DST: variants seen among roughly 807,000 people sequenced by gnomAD.
The protein encoded by DST is bullous pemphigoid antigen.
DST carries 253 observed loss-of-function variants against 875.2 expected under a neutral mutation model. That is an observed-to-expected ratio of 0.29 (90% CI 0.26 to 0.32). DST has a LOEUF of 0.32. Ranked by LOEUF, DST falls within the 10% of genes least tolerant of loss-of-function variation. The probability of loss-of-function intolerance (pLI) is 1.00; values close to 1 mark genes in which losing one functional copy is unlikely to be tolerated. For synonymous variants in DST, 3,124 were observed against 3,197.1 expected (o/e 0.98, Z 0.77); for missense variants, 8,287 against 9,111.6 (o/e 0.91, Z 3.68).
intron 3 of DST, among the ~76,000 whole-genome samples, chr6:56,880,024 A>G (rs1781360210): frequency 2.0e-5 from 3 of 152,314 alleles, no homozygotes; most frequent in South Asian, 4.1e-4. Flanking sequence ...TATTCCCACA[A>G]TGAATAGGTA....
Position 56,708,984 on chromosome 6 carries a change from T to C in DST, c.688-4615A>G, listed in dbSNP as rs148871750. Among the ~76,000 whole-genome samples the C allele has an allele frequency of 3.7e-3, 570 of 152,332 alleles. 6 individuals carry two copies. The highest frequency in any genetic ancestry group is 0.013 in the African/African-American group (543 of 41,574). ...ATTCCTTTTTCTCTTTTTGGATATG[T>C]TCTCCCTATGGGACAAAAAACTGTC... On this transcript the variant is annotated intron_variant, in intron 5 of 103. Transcript: ENST00000680361.
At chr6:56,624,325 T>A in intron 36 of DST, 4 of 659,370 alleles carry the variant, frequency 6.1e-6, no homozygotes, top group Non-Finnish European at 1.1e-5. Flanking sequence ...AATGACTTTC[T>A]ATTTGAATGA....
At chr6:56,470,086 A>T in intron 96 of DST, 42 bp downstream of exon 96, 3 of 1,608,620 alleles carry the variant, frequency 1.9e-6, no homozygotes, top group Non-Finnish European at 2.6e-6. Flanking sequence ...TCGTGGCAGA[A>T]CATACTATCA....
Position 56,504,030 on chromosome 6 carries a change from G to A in DST, c.19533C>T (p.Leu6511=), listed in dbSNP as rs746754823. 2.8e-5 allele frequency: 45 copies of A among 1,608,536 alleles called. No homozygotes were observed. Among genetic ancestry groups the A allele is most frequent in the East Asian group, 4.5e-5 (2 of 44,586 alleles). ...LASMSPIGTD[L]ETVKQQIEEL... ...CTTCAATCTGCTGCTTGACAGTTTC[G>A]AGATCTGTTCCAATTGGAGACATTG... The change falls in exon 78 of 104, where the codon CTC becomes CTT. Residue 6511 remains leucine, a synonymous_variant. Transcript: ENST00000680361.
At position 56,558,528 on chromosome 6, in the gene DST, T is replaced by A. The variant is rs181537026; in HGVS notation, c.14441-1010A>T. Among the ~76,000 whole-genome samples the A allele has an allele frequency of 2.3e-3, 353 of 152,198 alleles. 2 individuals are homozygous for A. The highest frequency in any genetic ancestry group is 7.8e-3 in the African/African-American group (326 of 41,554). On this transcript the variant is annotated intron_variant, in intron 58 of 103. Transcript: ENST00000680361. ...GTTGCTGCTGATCCCAGGAGCACACTTGGAGAACTAATGACCTAGTCTAGC... is the reference window on the plus strand; with the variant it reads ...GTTGCTGCTGATCCCAGGAGCACACATGGAGAACTAATGACCTAGTCTAGC...
intron 42 of DST, 63 bp downstream of exon 42, chr6:56,603,142 T>C: frequency 1.3e-6 from 2 of 1,551,050 alleles, no homozygotes; most frequent in East Asian, 2.3e-5. Flanking sequence ...CTCCAGCTTA[T>C]GACTAAATCC....
intron 54 of DST, among the ~76,000 whole-genome samples, chr6:56,569,325 G>GAAAAAAA (rs755987516): frequency 1.7e-4 from 16 of 94,792 alleles, no homozygotes; most frequent in African/African-American, 4.9e-4. Flanking sequence ...ACTCTGTCTC[G>GAAAAAAA]AAAAAAAAAA....
chr6:56,660,636 A>C (rs1367200547), intron 10 of DST, among the ~76,000 whole-genome samples: 2 of 151,930 alleles, frequency 1.3e-5, no homozygotes, highest in Non-Finnish European at 2.9e-5. Flanking sequence ...AGAAAAAAAA[A>C]AAAAGGCCTG....
rs141424435 is a variant in DST, at chr6:56,914,977, C to T, written c.217-14356G>A. Among the ~76,000 whole-genome samples the T allele has an allele frequency of 2.2e-3, 341 of 152,322 alleles. 3 individuals are homozygous for T. The highest frequency in any genetic ancestry group is 0.014 in the Middle Eastern group (4 of 294). Reference sequence around the variant, plus strand: ...CAGCAGTCAGTGCAATCTGCTCTTGCGGCAGCCAGAGCTCAGCTTCTCTCA... The same window carrying T: ...CAGCAGTCAGTGCAATCTGCTCTTGTGGCAGCCAGAGCTCAGCTTCTCTCA... On this transcript the variant is annotated intron_variant, in intron 2 of 103. Transcript: ENST00000680361.
chr6:56,568,650 T>C, intron 54 of DST, 55 bp from the exon 55 acceptor site: 1 of 1,424,464 alleles, frequency 7.0e-7, no homozygotes, highest in East Asian at 2.4e-5. Context: ...GAGTTGCACA[T>C]TATAATTCAG....
rs1285385448 is a variant in DST, at chr6:56,459,034, T to C, written c.23428A>G (p.Ser7810Gly). ...CTCTTTGAGGACTTGTCCAATTTGC[T>C]GGCAGGTGATTTCCTCTGGGGCGTG... ...IPTPQRKSPASKLDKSSKR is the reference protein window; with the variant it reads ...IPTPQRKSPAGKLDKSSKR The change falls in exon 104 of 104, where the codon AGC becomes GGC. Residue 7810 changes from serine (S) to glycine (G), a missense_variant. Coordinates refer to ENST00000680361, the MANE Select transcript of DST (RefSeq NM_001374736.1). 3 of 1,612,494 alleles carry C rather than the reference T, an allele frequency of 1.9e-6. No homozygotes were observed. Among genetic ancestry groups the C allele is most frequent in the Non-Finnish European group, 2.5e-6 (3 of 1,178,686 alleles).
Position 56,526,577 on chromosome 6 carries a change from T to A in DST, c.17923-10A>T. 1 of 1,611,880 alleles carries A rather than the reference T, an allele frequency of 6.2e-7. No individual in the cohort carries two copies. The highest frequency in any genetic ancestry group is 1.7e-5 in the Admixed American group (1 of 59,892). Reference sequence around the variant, plus strand: ...CTTCCTTTTTCAGTTCCTGAAAACATACAAATAAGTTAGTAACACTTAAGA... The same window carrying A: ...CTTCCTTTTTCAGTTCCTGAAAACAAACAAATAAGTTAGTAACACTTAAGA... On this transcript the variant is annotated splice_polypyrimidine_tract_variant and intron_variant, in intron 68 of 103. Coordinates refer to ENST00000680361, the MANE Select transcript of DST (RefSeq NM_001374736.1).
intron 103 of DST, 137 bp from the exon 104 acceptor site, chr6:56,459,404 A>G: frequency 1.2e-6 from 1 of 853,466 alleles, no homozygotes; most frequent in South Asian, 1.9e-5. Flanking sequence ...TTGTGGATTC[A>G]CAGCCTTTCT....
chr6:56,922,043 C>A (rs757705156), intron 2 of DST, among the ~76,000 whole-genome samples: 3 of 152,038 alleles, frequency 2.0e-5, no homozygotes, highest in Non-Finnish European at 4.4e-5. Flanking sequence ...TGTATCCTTT[C>A]TCCATATATA....
chr6:56,707,903 C>T (rs769636611), intron 5 of DST, among the ~76,000 whole-genome samples: 21 of 152,180 alleles, frequency 1.4e-4, no homozygotes, highest in Non-Finnish European at 2.6e-4. Context: ...GGTGTGGTGG[C>T]TCACGCCTGT....
At chr6:56,500,976 A>T (rs1161499638) in intron 80 of DST, 104 bp downstream of exon 80, 1 of 1,121,648 alleles carries the variant, frequency 8.9e-7, no homozygotes, top group Non-Finnish European at 1.2e-6. Flanking sequence ...CTTGTGTCAA[A>T]ATCATAAACT....
intron 4 of DST, among the ~76,000 whole-genome samples, chr6:56,779,416 T>C (rs1229097931): frequency 2.6e-5 from 4 of 152,114 alleles, no homozygotes; most frequent in South Asian, 4.1e-4. Flanking sequence ...ATTTTGGCTT[T>C]TGTTGCCATT....
chr6:56,703,166 T>A (rs1394274950), intron 7 of DST, among the ~76,000 whole-genome samples: 1 of 152,202 alleles, frequency 6.6e-6, no homozygotes, highest in Non-Finnish European at 1.5e-5. Context: ...AGGTAAAACA[T>A]GTCCATCAAA....
At chr6:56,711,473 A>C (rs751856290) in intron 5 of DST, among the ~76,000 whole-genome samples, 2 of 152,204 alleles carry the variant, frequency 1.3e-5, no homozygotes, top group Non-Finnish European at 2.9e-5. Flanking sequence ...AAAACAGATA[A>C]AAAATCTATT....
Sources: allele counts gnomAD v4.1 joint callset (sites outside exome capture counted in the v4.1 genomes callset), GRCh38; gene constraint gnomAD v4.1.1; transcripts MANE v1.5; gene names NCBI Gene and HGNC (gene_info 2026-07-23, HGNC 2026-07-21).